The following ZNF567 variants were observed in gnomAD, a reference collection of about 807,000 sequenced individuals.
The protein encoded by ZNF567 is zinc finger protein 567.
ZNF567 carries 36 observed loss-of-function variants against 53.9 expected under a neutral mutation model. The observed-to-expected ratio is 0.67, with a 90% confidence interval of 0.51 to 0.88. ZNF567 has a LOEUF of 0.88. Ranked by LOEUF, ZNF567 falls within the 40% of genes least tolerant of loss-of-function variation. The pLI, the probability that ZNF567 is intolerant of heterozygous loss-of-function variation, is 0.00. For missense variants in ZNF567, 619 were observed against 764.7 expected (o/e 0.81, Z 2.25); for synonymous variants, 224 against 260.4 (o/e 0.86, Z 1.35).
At chr19:36,690,611 A>G (rs1164139180) in intron 2 of ZNF567, among the ~76,000 whole-genome samples, 1 of 152,216 alleles carries the variant, frequency 6.6e-6, no homozygotes, top group Non-Finnish European at 1.5e-5. Flanking sequence ...AAAAGAAACT[A>G]TAAAACTCTT....
At chr19:36,677,252 G>T in the ZNF567 span, among the ~76,000 whole-genome samples, 2 of 150,580 alleles carry the variant, frequency 1.3e-5, no homozygotes, top group South Asian at 4.2e-4. Flanking sequence ...GAGGTCAGGA[G>T]TTCGAGACTA....
chr19:36,709,101 G>A (rs3108573), intron 3 of ZNF567, among the ~76,000 whole-genome samples: 115,956 of 152,108 alleles, frequency 0.76, 44,309 homozygotes, highest in East Asian at 0.82. Context: ...AGAAGGGTCT[G>A]TAGTCCACAG....
intron 3 of ZNF567, among the ~76,000 whole-genome samples, chr19:36,702,278 T>G (rs1342909472): frequency 6.6e-6 from 1 of 152,198 alleles, no homozygotes; most frequent in African/African-American, 2.4e-5. Flanking sequence ...CTTGTAGAGT[T>G]TCTGGCGAGA....
chr19:36,688,648 A>G (rs1353698264), intron 1 of ZNF567, among the ~76,000 whole-genome samples: 1 of 151,668 alleles, frequency 6.6e-6, no homozygotes, highest in African/African-American at 2.4e-5. Flanking sequence ...TCTACTAAAA[A>G]TACAAAAAAT....
chr19:36,720,505 G>A lies in ZNF567; in HGVS notation c.1781G>A (p.Cys594Tyr). 6.2e-7 allele frequency: 1 copy of A among 1,614,090 alleles called. No homozygotes were observed. The highest frequency in any genetic ancestry group is 8.5e-7 in the Non-Finnish European group (1 of 1,180,008). Residue 594 changes from cysteine (C) to tyrosine (Y), a missense_variant, in exon 6 of 6, where the codon TGT (cysteine) becomes TAT (tyrosine). Cys to Tyr is a radical substitution (Grantham distance 194). Coordinates refer to ENST00000682579, the MANE Select transcript of ZNF567 (RefSeq NM_001322917.1). ...TGEKPYKCSE[C>Y]GKCFRQKTNL... is the part of the protein sequence containing the mutation. Reference sequence around the variant, plus strand: ...GAGAAACCATATAAATGTAGTGAATGTGGAAAGTGCTTCCGCCAGAAGACA... The same window carrying A: ...GAGAAACCATATAAATGTAGTGAATATGGAAAGTGCTTCCGCCAGAAGACA...
downstream of ZNF567, among the ~76,000 whole-genome samples, chr19:36,726,243 T>C (rs903819886): frequency 2.0e-5 from 3 of 152,282 alleles, no homozygotes; most frequent in Admixed American, 6.5e-5. Context: ...TTCATGTATT[T>C]ATCATATAAT....
At chr19:36,667,155 G>T in the ZNF567 span, among the ~76,000 whole-genome samples, 3 of 152,162 alleles carry the variant, frequency 2.0e-5, no homozygotes, top group Non-Finnish European at 4.4e-5. Context: ...TTTGTTGTGC[G>T]CGTGTCCGAA....
chr19:36,718,989 G>A lies in ZNF567; in HGVS notation c.265G>A (p.Glu89Lys), dbSNP rs2040192140. ...KAEDFLVKFK[E>K]HQEKYSRSVV... ...TGAAGACTTTTTAGTGAAATTCAAGGAACACCAAGAGAAGTATTCTAGATC... is the reference window on the plus strand; with the variant it reads ...TGAAGACTTTTTAGTGAAATTCAAGAAACACCAAGAGAAGTATTCTAGATC... Residue 89 changes from glutamate to lysine, a missense_variant, in exon 6 of 6, where the codon GAA becomes AAA. Coordinates refer to ENST00000682579, the MANE Select transcript of ZNF567 (RefSeq NM_001322917.1). The A allele has an allele frequency of 6.3e-7, 1 of 1,575,350 alleles. No individual in the cohort carries two copies.
chr19:36,680,497 A>C, the ZNF567 span, among the ~76,000 whole-genome samples: 2 of 152,142 alleles, frequency 1.3e-5, no homozygotes, highest in Non-Finnish European at 2.9e-5. Context: ...GTTTTTGTAC[A>C]TGTTGTCAAA....
Position 36,719,636 on chromosome 19 carries a change from A to G in ZNF567, c.912A>G (p.Thr304=). ...SYLIDHQRTH[T]GEKPFVCNEC... ...TCATTGATCATCAGAGAACTCACAC[A>G]GGAGAGAAACCCTTTGTTTGCAATG... is the stretch of plus-strand genomic sequence containing the variant. Residue 304 remains threonine (T), a synonymous_variant, in exon 6 of 6, where the codon ACA becomes ACG. Transcript: ENST00000682579. The G allele has an allele frequency of 6.2e-7, 1 of 1,614,000 alleles. No individual in the cohort carries two copies. The highest frequency in any genetic ancestry group is 8.5e-7 in the Non-Finnish European group (1 of 1,179,890).
At chr19:36,689,236 A>AGTGTGTGTGTGTGTGT (rs59984347) in intron 1 of ZNF567, among the ~76,000 whole-genome samples, 161 bp from the exon 2 acceptor site, 4 of 138,906 alleles carry the variant, frequency 2.9e-5, no homozygotes, top group African/African-American at 1.1e-4. Context: ...CCTATTTGAG[A>AGTGTGTGTGTGTGTGT]GTGTGTGTGT....
chr19:36,690,997 G>A (rs1417571110), intron 2 of ZNF567, among the ~76,000 whole-genome samples: 2 of 152,194 alleles, frequency 1.3e-5, no homozygotes, highest in African/African-American at 4.8e-5. Flanking sequence ...TTTGGAAAGT[G>A]TAAAGAAATA....
At position 36,694,951 on chromosome 19, in the gene ZNF567, G is replaced by A. The variant is rs138459215; in HGVS notation, c.9+75G>A. The A allele has an allele frequency of 9.6e-3, 13,857 of 1,445,862 alleles. 93 individuals are homozygous for A. The highest frequency in any genetic ancestry group is 0.02 in the Admixed American group (776 of 38,760). The allele number at this position is 1,445,862 out of a possible 1,614,324, so 89.6% of individuals were successfully genotyped here. ...TTTTAAGGATATTTGGGCATGTGTC[G>A]GTCTTGTCCTACATCCTCCTACCTA... On this transcript the variant is annotated intron_variant, in intron 3 of 5. Coordinates refer to ENST00000682579, the MANE Select transcript of ZNF567 (RefSeq NM_001322917.1).
In ZNF567 at chr19:36,720,488, A is replaced by G; in HGVS notation, c.1764A>G (p.Pro588=). 1.2e-6 allele frequency: 2 copies of G among 1,612,188 alleles called. No individual in the cohort carries two copies. Among genetic ancestry groups the G allele is most frequent in the Non-Finnish European group, 1.7e-6 (2 of 1,179,434 alleles). Residue 588 remains proline (P), a synonymous_variant, in exon 6 of 6, where the codon CCA becomes CCG. Coordinates refer to ENST00000682579, the MANE Select transcript of ZNF567 (RefSeq NM_001322917.1). ...AAAGAACTCATACGGGAGAGAAACC[A>G]TATAAATGTAGTGAATGTGGAAAGT... ...HHQRTHTGEK[P]YKCSECGKCF...
intron 3 of ZNF567, among the ~76,000 whole-genome samples, chr19:36,700,231 G>A (rs62112510): frequency 5.4e-5 from 8 of 148,392 alleles, no homozygotes; most frequent in Non-Finnish European, 9.0e-5. Context: ...ACATTTATTG[G>A]TTTGTGTATA....
At chr19:36,723,360 C>T, downstream of ZNF567, 1 of 652,382 alleles carries the variant, frequency 1.5e-6, no homozygotes, top group African/African-American at 1.8e-5. Context: ...ACTGCATGTG[C>T]TGCCCTGTCT....
At chr19:36,702,889 A>C (rs867970837) in intron 3 of ZNF567, among the ~76,000 whole-genome samples, 1 of 152,104 alleles carries the variant, frequency 6.6e-6, no homozygotes, top group South Asian at 2.1e-4. Context: ...TGTAGCTCAG[A>C]GTAGTTTGAT....
chr19:36,697,635 CAG>C (rs1303656529), intron 3 of ZNF567, among the ~76,000 whole-genome samples: 3 of 146,642 alleles, frequency 2.0e-5, no homozygotes, highest in Admixed American at 6.9e-5. Flanking sequence ...TTTCTTGAGA[CAG>C]AGTCTTGTCC....
At chr19:36,675,269 G>A in the ZNF567 span, among the ~76,000 whole-genome samples, 8 of 152,148 alleles carry the variant, frequency 5.3e-5, no homozygotes, top group Non-Finnish European at 1.2e-4. Context: ...GCTGGGTGTG[G>A]TGGCTCACAC....
Sources: allele counts gnomAD v4.1 joint callset (sites outside exome capture counted in the v4.1 genomes callset), GRCh38; gene constraint gnomAD v4.1.1; transcripts MANE v1.5; gene names NCBI Gene and HGNC (gene_info 2026-07-23, HGNC 2026-07-21).